SLC12A5: variants seen among roughly 807,000 people sequenced by gnomAD.
SLC12A5 encodes the protein solute carrier family 12 member 5.
A neutral mutation model predicts 124.0 loss-of-function variants in SLC12A5; 18 were observed. That is an observed-to-expected ratio of 0.15 (90% CI 0.10 to 0.22). The LOEUF is 0.22. Among genes scored for constraint, SLC12A5 ranks in the 10% least tolerant of loss-of-function variants. The pLI is 1.00. For synonymous variants in SLC12A5, 589 were observed against 568.0 expected, an observed-to-expected ratio of 1.04 and a Z score of -0.53; for missense variants, 867 against 1,478.7, an observed-to-expected ratio of 0.59 and a Z score of 6.78.
chr20:46,050,705 C>A (rs974000225), intron 17 of SLC12A5, among the ~76,000 whole-genome samples: 1 of 152,146 alleles, frequency 6.6e-6, no homozygotes, highest in Non-Finnish European at 1.5e-5. Flanking sequence ...AGGCACTGGG[C>A]GAGGCACAGG....
At chr20:46,051,133 G>A (rs1365539561) in intron 17 of SLC12A5, among the ~76,000 whole-genome samples, 23 of 152,174 alleles carry the variant, frequency 1.5e-4, no homozygotes, top group Admixed American at 1.5e-3. Flanking sequence ...CCTTAAACAA[G>A]TCTTCCTTTC....
intron 6 of SLC12A5, among the ~76,000 whole-genome samples, chr20:46,039,646 G>C (rs1432180251): frequency 6.6e-6 from 1 of 152,008 alleles, no homozygotes; most frequent in Non-Finnish European, 1.5e-5. Context: ...GTGGTGGTGG[G>C]CACCTCTAAT....
At position 46,041,468 on chromosome 20, in the gene SLC12A5, G is replaced by C; in HGVS notation, c.994G>C (p.Asp332His). 6.2e-7 allele frequency: 1 copy of C among 1,614,106 alleles called. No homozygotes were observed. Among genetic ancestry groups the C allele is most frequent in the Non-Finnish European group, 8.5e-7 (1 of 1,180,022 alleles). ...CTCTCGCTTCCTCAACGCCACCTGTGATGAATACTTCACCCGAAACAATGT... is the reference window on the plus strand; with the variant it reads ...CTCTCGCTTCCTCAACGCCACCTGTCATGAATACTTCACCCGAAACAATGT... ...CSSRFLNATC[D>H]EYFTRNNVTE... Residue 332 changes from aspartate (D) to histidine (H), a missense_variant, in exon 8 of 26, where the codon GAT becomes CAT. By Grantham distance (81) the Asp-to-His change is moderately conservative (BLOSUM62 -1). Transcript: ENST00000243964.
Position 46,056,702 on chromosome 20 carries a change from C to A in SLC12A5, c.3110+138C>A. ...TCAGACATTGTCTTGGTTTCTCCAT[C>A]TGAGGACTTAGGGGGTTGGGCCCCA... On this transcript the variant is annotated intron_variant, in intron 23 of 25. Coordinates refer to ENST00000243964, the MANE Select transcript of SLC12A5 (RefSeq NM_020708.5). This position sits in a 1 kb window ranked among gnomAD's most constrained non-coding sequence, Gnocchi z 4.3. 8.7e-7 allele frequency: 1 copy of A among 1,151,510 alleles called. No homozygotes were observed. The highest frequency in any genetic ancestry group is 1.2e-6 in the Non-Finnish European group (1 of 807,782). 71.3% of individuals were successfully genotyped at this position (1,151,510 alleles called of 1,614,324 possible).
chr20:46,021,865 C>T, exon 1 of SLC12A5: 1 of 1,530,258 alleles, frequency 6.5e-7, no homozygotes, highest in Non-Finnish European at 8.7e-7. Context: ...CCCCCGCCAC[C>T]TCCCGGGGGA....
chr20:46,021,975 C>A, intron 1 of SLC12A5: 2 of 1,245,412 alleles, frequency 1.6e-6, no homozygotes, highest in South Asian at 1.7e-5. Context: ...GGGGCAGGGC[C>A]AAGACCGGGG....
At chr20:46,040,788 G>A (rs1392375491) in intron 7 of SLC12A5, 174 bp downstream of exon 7, 14 of 1,027,850 alleles carry the variant, frequency 1.4e-5, no homozygotes, top group Non-Finnish European at 1.8e-5. Context: ...TCTCTTCAGA[G>A]TGAGGTAACT....
chr20:46,029,559 C>T (rs1252822895), intron 1 of SLC12A5, among the ~76,000 whole-genome samples, 163 bp downstream of exon 1: 1 of 152,078 alleles, frequency 6.6e-6, no homozygotes, highest in Non-Finnish European at 1.5e-5. Flanking sequence ...TTGGAATGCT[C>T]CGGGCGCTGT....
At chr20:46,039,369 A>G (rs6073995) in intron 6 of SLC12A5, among the ~76,000 whole-genome samples, 78,226 of 152,166 alleles carry the variant, frequency 0.51, 22,236 homozygotes, top group Non-Finnish European at 0.66. Context: ...ATACGTATAT[A>G]TCTTCACATA....
At chr20:46,048,704 G>T (rs1345552076) in intron 16 of SLC12A5, among the ~76,000 whole-genome samples, 1 of 152,020 alleles carries the variant, frequency 6.6e-6, no homozygotes, top group Non-Finnish European at 1.5e-5. Flanking sequence ...GACCCCATCT[G>T]TGCTAAAAAT....
intron 6 of SLC12A5, among the ~76,000 whole-genome samples, chr20:46,038,764 C>T (rs1263864620): frequency 1.3e-5 from 2 of 152,158 alleles, no homozygotes; most frequent in African/African-American, 4.8e-5. Flanking sequence ...ATCAAATATT[C>T]ACCAAACGCC....
At position 46,051,762 on chromosome 20, in the gene SLC12A5, C is replaced by G; in HGVS notation, c.2269C>G (p.Leu757Val). 6.2e-7 allele frequency: 1 copy of G among 1,611,508 alleles called. No homozygotes were observed. Among genetic ancestry groups the G allele is most frequent in the Non-Finnish European group, 8.5e-7 (1 of 1,178,816 alleles). Residue 757 changes from leucine to valine, a missense_variant, in exon 18 of 26, where the codon CTG becomes GTG. Leu to Val is a conservative substitution (Grantham distance 32, BLOSUM62 1). Coordinates refer to ENST00000243964, the MANE Select transcript of SLC12A5 (RefSeq NM_020708.5). ...CAACTTGCGTGATGGCGTGTCCCATCTGATCCAGTCCGGGGGCCTCGGGGG... is the reference window on the plus strand; with the variant it reads ...CAACTTGCGTGATGGCGTGTCCCATGTGATCCAGTCCGGGGGCCTCGGGGG... ...SSNLRDGVSH[L>V]IQSGGLGGLQ...
intron 6 of SLC12A5, among the ~76,000 whole-genome samples, chr20:46,037,931 C>T (rs551636307): frequency 1.3e-5 from 2 of 152,238 alleles, no homozygotes; most frequent in African/African-American, 2.4e-5. Context: ...GGGAGGGATC[C>T]GTATAAAGAC....
In SLC12A5 at chr20:46,059,735, C is replaced by T. The variant is rs2084736381; in HGVS notation, c.*2130C>T. ...TCATTCATCAAGTTATCTTTATAATCACTGTAGTTAGATGTTTCATGTCCA... is the reference window on the plus strand; with the variant it reads ...TCATTCATCAAGTTATCTTTATAATTACTGTAGTTAGATGTTTCATGTCCA... On this transcript the variant is annotated 3_prime_UTR_variant, in exon 26 of 26. Transcript: ENST00000243964. 1 of 398,660 alleles carries T rather than the reference C, an allele frequency of 2.5e-6. No individual in the cohort carries two copies. Among genetic ancestry groups the T allele is most frequent in the African/African-American group, 2.1e-5 (1 of 48,640 alleles). The allele number at this position is 398,660 out of a possible 1,614,324, so 24.7% of individuals were successfully genotyped here.
chr20:46,035,673 T>G, intron 3 of SLC12A5, 104 bp from the exon 4 acceptor site: 1 of 1,500,488 alleles, frequency 6.7e-7, no homozygotes, highest in Non-Finnish European at 9.0e-7. Flanking sequence ...GGGTTGAGAA[T>G]AGAGAGAAGA....
intron 17 of SLC12A5, among the ~76,000 whole-genome samples, chr20:46,051,141 T>C (rs2084642746): frequency 6.6e-6 from 1 of 152,210 alleles, no homozygotes; most frequent in Non-Finnish European, 1.5e-5. Flanking sequence ...AAGTCTTCCT[T>C]TCTCCAAGCC....
chr20:46,031,152 A>C (rs894188696), intron 1 of SLC12A5, among the ~76,000 whole-genome samples: 4 of 152,140 alleles, frequency 2.6e-5, no homozygotes, highest in Admixed American at 1.3e-4. Flanking sequence ...CCAAGGTTTC[A>C]CCAGGCCTTG....
chr20:46,021,991 G>T, intron 1 of SLC12A5: 1 of 1,286,202 alleles, frequency 7.8e-7, no homozygotes, highest in Non-Finnish European at 1.0e-6. Flanking sequence ...CGGGGGCGGG[G>T]AGGGGTCCCA....
In SLC12A5 at chr20:46,057,381, C is replaced by G. The variant is rs570940655; in HGVS notation, c.3259+78C>G. The G allele has an allele frequency of 1.4e-4, 220 of 1,609,572 alleles. No individual in the cohort carries two copies. The highest frequency in any genetic ancestry group is 4.3e-4 in the South Asian group (39 of 90,978). ...GGGTCCTGTCCCTGGGATGGAAGAG[C>G]TGAGCTGTTCCTGCCTCCGGATCAG... is the stretch of plus-strand genomic sequence containing the variant. On this transcript the variant is annotated intron_variant, in intron 25 of 25. Coordinates refer to ENST00000243964, the MANE Select transcript of SLC12A5 (RefSeq NM_020708.5). The surrounding 1 kb of genome is among the most constrained non-coding windows in gnomAD (Gnocchi z 7.1).
Sources: gnomAD v4.1 joint callset for allele counts (sites outside exome capture counted in the v4.1 genomes callset) on GRCh38, gnomAD v4.1.1 for gene constraint, Gnocchi (gnomAD v3.1) non-coding constraint, MANE v1.5 for transcripts, NCBI Gene and HGNC (gene_info 2026-07-23, HGNC 2026-07-21) for gene names.